The following DGKB variants were observed in gnomAD, a reference collection of about 807,000 sequenced individuals.
DGKB encodes the protein diacylglycerol kinase beta.
In DGKB, 67 loss-of-function variants were observed where a neutral mutation model predicts 114.3. The ratio of observed to expected loss-of-function variants is 0.59; its 90% confidence interval spans 0.48 to 0.72. The LOEUF is 0.72. Ranked by LOEUF, DGKB falls within the 30% of genes least tolerant of loss-of-function variation. DGKB has a pLI of 0.00. For synonymous variants in DGKB, 398 were observed against 323.1 expected (o/e 1.23, Z -2.49); for missense variants, 907 against 975.2 (o/e 0.93, Z 0.93).
chr7:14,666,444 G>A (rs1253012639), intron 13 of DGKB, among the ~76,000 whole-genome samples: 1 of 151,944 alleles, frequency 6.6e-6, no homozygotes, highest in Non-Finnish European at 1.5e-5. Context: ...TTCCATATGA[G>A]ATTATTAAAA....
At chr7:14,374,260 A>T (rs1033709082) in intron 21 of DGKB, among the ~76,000 whole-genome samples, 4 of 152,042 alleles carry the variant, frequency 2.6e-5, no homozygotes, top group African/African-American at 7.2e-5. Flanking sequence ...TCCTCTTTTG[A>T]CTTTGGTTTA....
chr7:14,685,376 A>C lies in DGKB; in HGVS notation c.712-14T>G. The C allele has an allele frequency of 6.4e-7, 1 of 1,572,960 alleles. No individual in the cohort carries two copies. The highest frequency in any genetic ancestry group is 8.7e-7 in the Non-Finnish European group (1 of 1,142,942). On this transcript the variant is annotated splice_polypyrimidine_tract_variant and intron_variant, in intron 9 of 25. Transcript: ENST00000402815. Reference sequence around the variant, plus strand: ...ATCCTTCACGTTCTGCATGGGACGTAAGAGAAACAGATTTCACTTAATGAA... The same window carrying C: ...ATCCTTCACGTTCTGCATGGGACGTCAGAGAAACAGATTTCACTTAATGAA...
intron 8 of DGKB, among the ~76,000 whole-genome samples, chr7:14,697,868 G>A (rs116329460): frequency 0.013 from 1,821 of 142,970 alleles, 53 homozygotes; most frequent in African/African-American, 0.045. Flanking sequence ...AAGGAAGGAA[G>A]GTAGGAGGGA....
intron 13 of DGKB, among the ~76,000 whole-genome samples, chr7:14,657,063 G>A (rs1213001362): frequency 6.6e-6 from 1 of 151,716 alleles, no homozygotes; most frequent in Non-Finnish European, 1.5e-5. Flanking sequence ...ACTTAGTGAG[G>A]CTGGGTCCCT....
intron 4 of DGKB, among the ~76,000 whole-genome samples, chr7:14,743,224 C>G (rs982944951): frequency 6.6e-6 from 1 of 152,132 alleles, no homozygotes; most frequent in African/African-American, 2.4e-5. Context: ...TTGGCTCTCT[C>G]TCTCCCTTGT....
intron 21 of DGKB, among the ~76,000 whole-genome samples, chr7:14,407,664 A>G (rs1295002636): frequency 6.6e-6 from 1 of 152,132 alleles, no homozygotes; most frequent in Non-Finnish European, 1.5e-5. Flanking sequence ...ACTGAAATTA[A>G]TAAGAGGTTT....
At chr7:14,153,706 A>C (rs1782563446) in intron 25 of DGKB, among the ~76,000 whole-genome samples, 1 of 152,088 alleles carries the variant, frequency 6.6e-6, no homozygotes, top group Non-Finnish European at 1.5e-5. Flanking sequence ...CATTATTGTA[A>C]AATTTCAAAG....
chr7:14,825,320 C>A (rs761651671), intron 2 of DGKB, among the ~76,000 whole-genome samples: 4 of 151,860 alleles, frequency 2.6e-5, no homozygotes, highest in Non-Finnish European at 5.9e-5. Flanking sequence ...GTTTATTGTG[C>A]ACTTTATTCT....
intron 1 of DGKB, among the ~76,000 whole-genome samples, chr7:14,878,644 G>A (rs867723555): frequency 3.3e-5 from 5 of 151,718 alleles, no homozygotes; most frequent in South Asian, 2.1e-4. Flanking sequence ...AGCTACTCGG[G>A]AGGCTGAGGC....
intron 2 of DGKB, among the ~76,000 whole-genome samples, chr7:14,827,171 T>C (rs1390131850): frequency 6.6e-6 from 1 of 152,140 alleles, no homozygotes; most frequent in Non-Finnish European, 1.5e-5. Context: ...TCTAGGTGTA[T>C]TTTTGATTAC....
At chr7:14,949,008 A>G (rs1006318318) in intron 1 of DGKB, among the ~76,000 whole-genome samples, 1 of 151,876 alleles carries the variant, frequency 6.6e-6, no homozygotes, top group African/African-American at 2.4e-5. Context: ...AAGATACAAA[A>G]AGGAATAATG....
At chr7:14,767,826 T>A (rs2128465104) in intron 2 of DGKB, among the ~76,000 whole-genome samples, 1 of 152,104 alleles carries the variant, frequency 6.6e-6, no homozygotes, top group South Asian at 2.1e-4. Context: ...CCCACGCTAG[T>A]TCAGAAGATG....
intron 21 of DGKB, among the ~76,000 whole-genome samples, chr7:14,381,255 C>G (rs1470086105): frequency 6.6e-6 from 1 of 152,136 alleles, no homozygotes; most frequent in Admixed American, 6.5e-5. Context: ...TGATTTAAAA[C>G]TTTTTAAAAT....
intron 20 of DGKB, among the ~76,000 whole-genome samples, chr7:14,484,762 A>G (rs1431528): frequency 0.54 from 81,503 of 151,878 alleles, 22,431 homozygotes; most frequent in East Asian, 0.86. Context: ...TGTATGTGCG[A>G]TCTTTAGAAA....
Position 14,769,623 on chromosome 7 carries a change from C to T in DGKB, c.71-11892G>A, listed in dbSNP as rs544456093. On this transcript the variant is annotated intron_variant, in intron 2 of 25. Coordinates refer to ENST00000402815, the MANE Select transcript of DGKB (RefSeq NM_001350709.2). ...CTAGGGCTGCTATAAAAAGTTACCA[C>T]AAACCTGGTGATTTAAAACTGCAGA... Among the ~76,000 whole-genome samples, 12 of 152,116 alleles carry T rather than the reference C, an allele frequency of 7.9e-5. No homozygotes were observed. The South Asian group carries it at 2.1e-3, about 26-fold the overall frequency.
intron 20 of DGKB, among the ~76,000 whole-genome samples, chr7:14,508,080 G>T (rs974443804): frequency 6.6e-6 from 1 of 151,940 alleles, no homozygotes; most frequent in African/African-American, 2.4e-5. Flanking sequence ...ACAATCAGGC[G>T]GCATATTTAA....
intron 15 of DGKB, among the ~76,000 whole-genome samples, chr7:14,614,538 GT>G (rs201209821): frequency 0.011 from 1,607 of 152,070 alleles, 7 homozygotes; most frequent in Non-Finnish European, 0.018. Context: ...AGTCTTAAAT[GT>G]TTAATGAGAC....
intron 21 of DGKB, among the ~76,000 whole-genome samples, chr7:14,405,980 G>T (rs1823871656): frequency 6.6e-6 from 1 of 151,926 alleles, no homozygotes; most frequent in Non-Finnish European, 1.5e-5. Flanking sequence ...TAGCTTGAAG[G>T]AGAAAAAGGA....
At chr7:14,426,327 G>A (rs143851153) in intron 21 of DGKB, among the ~76,000 whole-genome samples, 107 of 152,264 alleles carry the variant, frequency 7.0e-4, no homozygotes, top group African/African-American at 2.4e-3. Flanking sequence ...TTAAAGCCAT[G>A]CAGCGTACAT....
Sources: allele counts gnomAD v4.1 joint callset (sites outside exome capture counted in the v4.1 genomes callset), GRCh38; gene constraint gnomAD v4.1.1; transcripts MANE v1.5; gene names NCBI Gene and HGNC (gene_info 2026-07-23, HGNC 2026-07-21).